The following NFIL3 variants were observed in gnomAD, a reference collection of about 807,000 sequenced individuals.
NFIL3 encodes nuclear factor interleukin-3-regulated protein.
Under a neutral mutation model 10.0 loss-of-function variants are expected in NFIL3, and 5 were observed. The ratio of observed to expected loss-of-function variants is 0.50; its 90% CI spans 0.26 to 1.06. The LOEUF is 1.06. Among genes scored for constraint, NFIL3 ranks in the 50% least tolerant of loss-of-function variants. The probability of loss-of-function intolerance (pLI) is 0.13; values close to 1 mark genes in which losing one functional copy is unlikely to be tolerated. For missense variants in NFIL3, 436 were observed against 547.6 expected, an observed-to-expected ratio of 0.80 and a Z score of 2.03; for synonymous variants, 202 against 206.5, an observed-to-expected ratio of 0.98 and a Z score of 0.19.
the NFIL3 span, among the ~76,000 whole-genome samples, chr9:91,446,910 A>C: frequency 1.3e-5 from 2 of 151,516 alleles, no homozygotes; most frequent in East Asian, 1.9e-4. Context: ...CTACCTCCTG[A>C]GTTCAAGTGA....
At chr9:91,413,185 G>A (rs1833587900) in intron 1 of NFIL3, among the ~76,000 whole-genome samples, 1 of 152,048 alleles carries the variant, frequency 6.6e-6, no homozygotes, top group Non-Finnish European at 1.5e-5. Flanking sequence ...AAGGCAAGGA[G>A]TGTGTCACAG....
chr9:91,420,243 T>C (rs1443772243), intron 1 of NFIL3, among the ~76,000 whole-genome samples: 2 of 151,902 alleles, frequency 1.3e-5, no homozygotes, highest in Non-Finnish European at 2.9e-5. Flanking sequence ...AAAATATATA[T>C]ATTATTAGAA....
At chr9:91,432,578 A>C in the NFIL3 span, among the ~76,000 whole-genome samples, 2 of 152,218 alleles carry the variant, frequency 1.3e-5, no homozygotes, top group Non-Finnish European at 2.9e-5. Flanking sequence ...CTTGCAGAGA[A>C]ATTGTCCATT....
chr9:91,481,668 C>T, the NFIL3 span, among the ~76,000 whole-genome samples: 4 of 151,820 alleles, frequency 2.6e-5, no homozygotes, highest in African/African-American at 9.7e-5. Context: ...TTGTAAACAA[C>T]ACAAGAAATA....
chr9:91,423,013 G>A (rs1221394229), intron 1 of NFIL3, among the ~76,000 whole-genome samples: 1 of 152,152 alleles, frequency 6.6e-6, no homozygotes, highest in Admixed American at 6.5e-5. Context: ...ATGTATGAAA[G>A]GACAAATCCC....
chr9:91,476,296 G>A, the NFIL3 span, among the ~76,000 whole-genome samples: 1 of 152,184 alleles, frequency 6.6e-6, no homozygotes, highest in Non-Finnish European at 1.5e-5. Flanking sequence ...CGACTGACCG[G>A]GCACAGTGGC....
chr9:91,423,350 G>A (rs1282698120), intron 1 of NFIL3, among the ~76,000 whole-genome samples: 1 of 152,172 alleles, frequency 6.6e-6, no homozygotes, highest in Non-Finnish European at 1.5e-5. Context: ...CTGAAATCAG[G>A]AGACATTATG....
the NFIL3 span, among the ~76,000 whole-genome samples, chr9:91,448,420 G>T: frequency 6.6e-6 from 1 of 152,162 alleles, no homozygotes; most frequent in Non-Finnish European, 1.5e-5. Context: ...AACCAAGGAA[G>T]CCAGGCTCTT....
intron 1 of NFIL3, among the ~76,000 whole-genome samples, chr9:91,411,576 T>G (rs557391493): frequency 8.5e-5 from 13 of 152,316 alleles, no homozygotes; most frequent in African/African-American, 2.9e-4. Context: ...TAGGCTTATA[T>G]CCCAGCAAAT....
the NFIL3 span, among the ~76,000 whole-genome samples, chr9:91,456,609 G>A: frequency 5.9e-5 from 9 of 151,964 alleles, no homozygotes; most frequent in African/African-American, 2.2e-4. Flanking sequence ...GACTTTATCA[G>A]ATTGACGGTT....
At chr9:91,421,587 C>T (rs550049149) in intron 1 of NFIL3, among the ~76,000 whole-genome samples, 1 of 152,180 alleles carries the variant, frequency 6.6e-6, no homozygotes, top group Non-Finnish European at 1.5e-5. Flanking sequence ...CAGACCCCAC[C>T]GGCCCGCAGG....
the NFIL3 span, among the ~76,000 whole-genome samples, chr9:91,453,194 C>T: frequency 2.6e-5 from 4 of 152,032 alleles, no homozygotes; most frequent in Admixed American, 1.3e-4. Flanking sequence ...GGTTTTTCCT[C>T]TGTACATGTT....
chr9:91,442,161 CTG>C, the NFIL3 span, among the ~76,000 whole-genome samples: 1 of 152,028 alleles, frequency 6.6e-6, no homozygotes, highest in Non-Finnish European at 1.5e-5. Flanking sequence ...TTTTCATTGT[CTG>C]TGAAAGACTT....
the NFIL3 span, among the ~76,000 whole-genome samples, chr9:91,467,209 T>G: frequency 6.6e-6 from 1 of 151,912 alleles, no homozygotes; most frequent in Non-Finnish European, 1.5e-5. Context: ...ATATACAACT[T>G]AAATGTGTGT....
the NFIL3 span, among the ~76,000 whole-genome samples, chr9:91,471,091 C>T: frequency 1.3e-5 from 2 of 152,172 alleles, no homozygotes; most frequent in African/African-American, 2.4e-5. Context: ...CCTTCTGTCT[C>T]GTTGATCTGT....
chr9:91,456,796 C>T, the NFIL3 span, among the ~76,000 whole-genome samples: 1 of 152,022 alleles, frequency 6.6e-6, no homozygotes, highest in Non-Finnish European at 1.5e-5. Context: ...GTTTTCTCCT[C>T]TACTTTCTTA....
chr9:91,433,384 G>A, the NFIL3 span, among the ~76,000 whole-genome samples: 2 of 152,316 alleles, frequency 1.3e-5, no homozygotes, highest in Non-Finnish European at 2.9e-5. Flanking sequence ...TATTATGAAT[G>A]AGCATTGCTG....
At chr9:91,419,001 T>C (rs1213460045) in intron 1 of NFIL3, among the ~76,000 whole-genome samples, 1 of 152,124 alleles carries the variant, frequency 6.6e-6, no homozygotes, top group Non-Finnish European at 1.5e-5. Flanking sequence ...AACATTCTCA[T>C]ACAAGTCCAA....
chr9:91,415,893 C>A (rs912894047), intron 1 of NFIL3, among the ~76,000 whole-genome samples: 11 of 152,222 alleles, frequency 7.2e-5, no homozygotes, highest in Non-Finnish European at 1.0e-4. Flanking sequence ...TCCCAAAGTG[C>A]TGGGATTACA....
Sources: gnomAD v4.1 joint callset for allele counts (sites outside exome capture counted in the v4.1 genomes callset) on GRCh38, gnomAD v4.1.1 for gene constraint, MANE v1.5 for transcripts, NCBI Gene and HGNC (gene_info 2026-07-23, HGNC 2026-07-21) for gene names.